Variants in CACNG3 observed in about 807,000 individuals in gnomAD.
CACNG3 encodes the protein voltage-dependent calcium channel gamma-3 subunit.
In CACNG3, 3 loss-of-function variants were observed where a neutral mutation model predicts 28.5. The observed-to-expected ratio is 0.11, with a 90% CI of 0.05 to 0.27. The LOEUF (loss-of-function observed/expected upper bound fraction) is 0.27. Ranked by LOEUF, CACNG3 falls within the 10% of genes least tolerant of loss-of-function variation. CACNG3 has a pLI of 1.00. For missense variants in CACNG3, 236 were observed against 414.4 expected, an observed-to-expected ratio of 0.57 and a Z score of 3.74; for synonymous variants, 174 against 162.2, an observed-to-expected ratio of 1.07 and a Z score of -0.55.
chr16:24,313,756 A>T (rs985720933), intron 1 of CACNG3, among the ~76,000 whole-genome samples: 22 of 151,662 alleles, frequency 1.5e-4, no homozygotes, highest in East Asian at 7.8e-4. Context: ...TTATTTATTT[A>T]TTTTTTGAGA....
chr16:24,343,223 A>T (rs1377061911), intron 1 of CACNG3, among the ~76,000 whole-genome samples: 1 of 151,974 alleles, frequency 6.6e-6, no homozygotes, highest in Non-Finnish European at 1.5e-5. Flanking sequence ...AAAACTAGTG[A>T]CTGCGTCTCC....
intron 2 of CACNG3, among the ~76,000 whole-genome samples, chr16:24,347,897 T>G (rs374521406): frequency 6.6e-6 from 1 of 152,184 alleles, no homozygotes; most frequent in Non-Finnish European, 1.5e-5. Flanking sequence ...ATGGAGATTA[T>G]AATGTCATCC....
intron 1 of CACNG3, among the ~76,000 whole-genome samples, chr16:24,334,203 G>T (rs1301352622): frequency 6.6e-6 from 1 of 152,152 alleles, no homozygotes; most frequent in Non-Finnish European, 1.5e-5. Context: ...GTTCCTGTTG[G>T]CCTCTGTTTT....
chr16:24,259,923 T>C (rs892800217), intron 1 of CACNG3, among the ~76,000 whole-genome samples: 7 of 152,238 alleles, frequency 4.6e-5, no homozygotes, highest in African/African-American at 1.7e-4. Context: ...ACAACTAGAT[T>C]CCCTGCTTCC....
chr16:24,336,372 C>T (rs1043628756), intron 1 of CACNG3, among the ~76,000 whole-genome samples: 13 of 151,128 alleles, frequency 8.6e-5, no homozygotes, highest in African/African-American at 2.4e-4. Flanking sequence ...CCCAGGTTCA[C>T]GCCATTCTCC....
chr16:24,267,790 C>T (rs1004081559), intron 1 of CACNG3, among the ~76,000 whole-genome samples: 2 of 152,098 alleles, frequency 1.3e-5, no homozygotes, highest in African/African-American at 4.8e-5. Context: ...CTGCCTCAGC[C>T]ACCCAAGTAG....
chr16:24,348,855 A>G (rs1899904591), intron 2 of CACNG3, among the ~76,000 whole-genome samples: 3 of 152,218 alleles, frequency 2.0e-5, no homozygotes, highest in Admixed American at 2.0e-4. Context: ...ACTAAACAGA[A>G]CTGTGACTTC....
chr16:24,323,293 T>C (rs894848442), intron 1 of CACNG3, among the ~76,000 whole-genome samples: 1 of 149,466 alleles, frequency 6.7e-6, no homozygotes, highest in Non-Finnish European at 1.5e-5. Context: ...TCTTTCTGGG[T>C]CATCAGATGG....
chr16:24,351,884 C>G (rs926771492), intron 2 of CACNG3, among the ~76,000 whole-genome samples: 46 of 143,658 alleles, frequency 3.2e-4, no homozygotes, highest in Non-Finnish European at 5.1e-4. Flanking sequence ...GCGATCTCGG[C>G]TCACTGCAAG....
chr16:24,354,789 G>A (rs1295866991), intron 2 of CACNG3, 44 bp from the exon 3 acceptor site: 3 of 1,598,430 alleles, frequency 1.9e-6, no homozygotes, highest in African/African-American at 1.3e-5. Flanking sequence ...GGACCCCAGG[G>A]GCTGGCTGGG....
intron 1 of CACNG3, among the ~76,000 whole-genome samples, chr16:24,278,622 T>TAATA (rs545675177): frequency 7.9e-5 from 12 of 151,914 alleles, no homozygotes; most frequent in Admixed American, 1.3e-4. Context: ...CTAAAAATAA[T>TAATA]AATAAATAAA....
chr16:24,288,308 T>C (rs1416979020), intron 1 of CACNG3, among the ~76,000 whole-genome samples: 2 of 152,188 alleles, frequency 1.3e-5, no homozygotes, highest in African/African-American at 4.8e-5. Flanking sequence ...ACTCTCTCAT[T>C]TAATCCCAAG....
intron 1 of CACNG3, among the ~76,000 whole-genome samples, chr16:24,288,849 T>G (rs1479068725): frequency 6.6e-6 from 1 of 151,848 alleles, no homozygotes; most frequent in Non-Finnish European, 1.5e-5. Flanking sequence ...TGATTCACAC[T>G]AGGAGAGAGT....
chr16:24,317,701 AAAG>A (rs1899399918), intron 1 of CACNG3, among the ~76,000 whole-genome samples: 1 of 109,732 alleles, frequency 9.1e-6, no homozygotes. Context: ...AGAAAGAAAG[AAAG>A]AAAGAAAGAA....
intron 1 of CACNG3, among the ~76,000 whole-genome samples, chr16:24,306,071 T>C (rs544344438): frequency 1.3e-5 from 2 of 152,264 alleles, no homozygotes; most frequent in East Asian, 1.9e-4. Context: ...CCGGAAGTAG[T>C]TGGTCTGAGT....
intron 1 of CACNG3, among the ~76,000 whole-genome samples, chr16:24,317,696 G>GAAAGAAAGAAAGAA (rs1567217732): frequency 1.5e-4 from 16 of 108,626 alleles, no homozygotes; most frequent in African/African-American, 5.6e-4. Context: ...AAGAAAGAAA[G>GAAAGAAAGAAAGAA]AAAGAAAGAA....
Position 24,361,927 on chromosome 16 carries a change from T to C in CACNG3, c.*64T>C. 6.9e-7 allele frequency: 1 copy of C among 1,440,528 alleles called. No individual in the cohort carries two copies. The highest frequency in any genetic ancestry group is 9.3e-7 in the Non-Finnish European group (1 of 1,070,326). The allele number at this position is 1,440,528 out of a possible 1,614,324, so 89.2% of individuals were successfully genotyped here. A position where few individuals can be genotyped will look rare whatever the true frequency, so the allele number is the denominator to read the frequency against. On this transcript the variant is annotated 3_prime_UTR_variant, in exon 4 of 4. Coordinates refer to ENST00000005284, the MANE Select transcript of CACNG3 (RefSeq NM_006539.4). This position sits in a 1 kb window ranked among gnomAD's most constrained non-coding sequence, Gnocchi z 6.8. ...TGGGGGAAGTGTACAGAGATGTCTC[T>C]GAGGTTGCATGGCATGGTCCTTGTG...
chr16:24,360,716 A>G (rs1177451016), intron 3 of CACNG3, among the ~76,000 whole-genome samples: 1 of 152,162 alleles, frequency 6.6e-6, no homozygotes, highest in African/African-American at 2.4e-5. Context: ...TCAAAATGCC[A>G]CCAGCTTCCC....
At chr16:24,334,983 G>C (rs1240624273) in intron 1 of CACNG3, among the ~76,000 whole-genome samples, 1 of 152,174 alleles carries the variant, frequency 6.6e-6, no homozygotes, top group Non-Finnish European at 1.5e-5. Context: ...CCAAAATAGA[G>C]ATAATGATAT....
Sources: gnomAD v4.1 joint callset for allele counts (sites outside exome capture counted in the v4.1 genomes callset) on GRCh38, gnomAD v4.1.1 for gene constraint, Gnocchi (gnomAD v3.1) non-coding constraint, MANE v1.5 for transcripts, NCBI Gene and HGNC (gene_info 2026-07-23, HGNC 2026-07-21) for gene names.